PCDH11X: variants seen among roughly 807,000 people sequenced by gnomAD.
The protein encoded by PCDH11X is protocadherin-11 X-linked.
In PCDH11X, 18 loss-of-function variants were observed where a neutral mutation model predicts 53.3. That is an observed-to-expected ratio of 0.34 (90% CI 0.23 to 0.50). PCDH11X has a LOEUF of 0.50. Ranked by LOEUF, PCDH11X falls within the 20% of genes least tolerant of loss-of-function variation. The pLI, the probability that PCDH11X is intolerant of heterozygous loss-of-function variation, is 0.98. For missense variants in PCDH11X, 570 were observed against 1,032.4 expected, an observed-to-expected ratio of 0.55 and a Z score of 6.14; for synonymous variants, 279 against 393.3, an observed-to-expected ratio of 0.71 and a Z score of 3.44.
At chrX:92,581,392 G>T (rs1326959982) in intron 10 of PCDH11X, among the ~76,000 whole-genome samples, 2 of 111,232 alleles carry the variant, frequency 1.8e-5, no homozygotes, top group Non-Finnish European at 3.8e-5. Flanking sequence ...AACGGGGATA[G>T]CTTTTGCCCA....
intron 6 of PCDH11X, among the ~76,000 whole-genome samples, chrX:92,142,806 A>G (rs2065206722): frequency 9.1e-6 from 1 of 109,711 alleles, no homozygotes; most frequent in Admixed American, 9.9e-5. Context: ...CTTATATAAG[A>G]TGGTTCTAAT....
intron 4 of PCDH11X, among the ~76,000 whole-genome samples, chrX:91,823,992 G>T (rs1255221072): frequency 9.0e-6 from 1 of 110,780 alleles, no homozygotes; most frequent in Non-Finnish European, 1.9e-5. Context: ...TAAGAATGTT[G>T]AATATTGGCC....
intron 4 of PCDH11X, among the ~76,000 whole-genome samples, chrX:91,830,567 T>C (rs989331227): frequency 9.9e-5 from 11 of 110,784 alleles, no homozygotes; most frequent in African/African-American, 3.6e-4. Flanking sequence ...CCAATGTGGT[T>C]ACTTTTATTG....
intron 6 of PCDH11X, among the ~76,000 whole-genome samples, chrX:92,077,617 GAA>G (rs2063794123): frequency 1.4e-5 from 1 of 73,397 alleles, no homozygotes; most frequent in Non-Finnish European, 2.6e-5. Context: ...AAGAAGGAAG[GAA>G]GGGAGGAAGG....
At position 92,600,603 on chromosome X, in the gene PCDH11X, A is replaced by G. The variant is rs1407874895; in HGVS notation, c.3368-17661A>G. Among the ~76,000 whole-genome samples, 6 of 109,982 alleles carry G rather than the reference A, an allele frequency of 5.5e-5. No homozygotes were observed. The Admixed American group carries it at 5.8e-4, about 11-fold the overall frequency. ...GTTGTGCTGCAGGGGCAGAATCCTC[A>G]CGGAGAACCTCTGCTAGGGCAGTGC... is the stretch of plus-strand genomic sequence containing the variant. On this transcript the variant is annotated intron_variant, in intron 10 of 10. Coordinates refer to ENST00000682573, the MANE Select transcript of PCDH11X (RefSeq NM_032968.5).
intron 7 of PCDH11X, among the ~76,000 whole-genome samples, chrX:92,256,674 G>C (rs1235272561): frequency 1.8e-5 from 2 of 111,189 alleles, no homozygotes; most frequent in African/African-American, 6.6e-5. Flanking sequence ...AGTAAGTTCA[G>C]CATCCATTAG....
At chrX:91,974,546 A>C (rs1471725340) in intron 6 of PCDH11X, among the ~76,000 whole-genome samples, 1 of 110,534 alleles carries the variant, frequency 9.0e-6, no homozygotes, top group Non-Finnish European at 1.9e-5. Context: ...AGGTATGTTC[A>C]AGGAATCGTA....
chrX:92,154,659 G>A (rs79480101), intron 6 of PCDH11X, among the ~76,000 whole-genome samples: 1 of 110,852 alleles, frequency 9.0e-6, no homozygotes, highest in African/African-American at 3.3e-5. Context: ...CACATCGGCG[G>A]AAGAAGACAC....
intron 9 of PCDH11X, among the ~76,000 whole-genome samples, chrX:92,394,112 G>A (rs1157869561): frequency 9.0e-6 from 1 of 111,200 alleles, no homozygotes; most frequent in Non-Finnish European, 1.9e-5. Flanking sequence ...TATAGGCTTT[G>A]TGAAGGCAAC....
At chrX:92,617,982 A>C (rs1292586793) in intron 10 of PCDH11X, among the ~76,000 whole-genome samples, 1 of 111,194 alleles carries the variant, frequency 9.0e-6, no homozygotes, top group African/African-American at 3.3e-5. Context: ...GAATGATCAT[A>C]GTTTCCTTGA....
chrX:92,136,287 G>A (rs777856062), intron 6 of PCDH11X, among the ~76,000 whole-genome samples: 1 of 110,845 alleles, frequency 9.0e-6, no homozygotes, highest in South Asian at 3.8e-4. Context: ...GGCACTAGAT[G>A]TATGTGTGAC....
At chrX:92,097,325 T>G (rs1459019802) in intron 6 of PCDH11X, among the ~76,000 whole-genome samples, 1 of 108,123 alleles carries the variant, frequency 9.2e-6, no homozygotes, top group East Asian at 2.9e-4. Flanking sequence ...GATGGAAGGA[T>G]TGCTTGAGCC....
intron 6 of PCDH11X, among the ~76,000 whole-genome samples, chrX:91,952,339 A>T (rs1432888072): frequency 2.7e-5 from 3 of 110,339 alleles, no homozygotes; most frequent in Admixed American, 1.9e-4. Context: ...AAGTTGAACA[A>T]AAGAAATTTT....
chrX:91,907,408 CACACAG>C (rs1400033381), intron 6 of PCDH11X, among the ~76,000 whole-genome samples: 2 of 66,094 alleles, frequency 3.0e-5, no homozygotes, highest in African/African-American at 1.3e-4. Flanking sequence ...CACACACACA[CACACAG>C]AGAGAGAGAG....
At chrX:92,330,921 A>G (rs1379787645) in intron 8 of PCDH11X, among the ~76,000 whole-genome samples, 3 of 98,156 alleles carry the variant, frequency 3.1e-5, no homozygotes, top group Non-Finnish European at 4.1e-5. Flanking sequence ...GAAAATGTTC[A>G]AGAGTGAGAG....
At chrX:91,890,537 T>G (rs1940429111) in intron 6 of PCDH11X, among the ~76,000 whole-genome samples, 1 of 110,813 alleles carries the variant, frequency 9.0e-6, no homozygotes, top group Non-Finnish European at 1.9e-5. Flanking sequence ...ATCTAAGTAC[T>G]AGTACAGATT....
intron 6 of PCDH11X, among the ~76,000 whole-genome samples, chrX:91,975,101 C>A (rs1002571185): frequency 1.8e-5 from 2 of 110,570 alleles, no homozygotes; most frequent in African/African-American, 6.6e-5. Context: ...GAGGATAGTA[C>A]ATATGGGGTA....
chrX:92,326,622 C>CTATATATATACATATATATATATATAA (rs2069335914), intron 8 of PCDH11X, among the ~76,000 whole-genome samples: 1 of 45,814 alleles, frequency 2.2e-5, no homozygotes, highest in Non-Finnish European at 3.3e-5. Flanking sequence ...TTTTAATAAA[C>CTATATATATACATATATATATATATAA]TATATATATA....
chrX:91,891,521 C>T lies in PCDH11X; in HGVS notation c.3033+12248C>T, dbSNP rs775166990. On this transcript the variant is annotated intron_variant, in intron 6 of 10. Transcript: ENST00000682573. Reference sequence around the variant, plus strand: ...CCATTGTGGTGTAACTGATCTTTTTCGATTAACCCAAAGCAATGAAGTAGT... The same window carrying T: ...CCATTGTGGTGTAACTGATCTTTTTTGATTAACCCAAAGCAATGAAGTAGT... Among the ~76,000 whole-genome samples the T allele has an allele frequency of 8.6e-4, 81 of 94,719 alleles. 2 individuals are homozygous for T. The highest frequency in any genetic ancestry group is 1.6e-3 in the African/African-American group (39 of 24,310). 82.3% of individuals were successfully genotyped at this position (94,719 alleles called of 115,157 possible).
Sources: allele counts gnomAD v4.1 joint callset (sites outside exome capture counted in the v4.1 genomes callset), GRCh38; gene constraint gnomAD v4.1.1; transcripts MANE v1.5; gene names NCBI Gene and HGNC (gene_info 2026-07-23, HGNC 2026-07-21).